Variants in PLCB1 observed in about 807,000 individuals in gnomAD.
The protein encoded by PLCB1 is 1-phosphatidylinositol 4,5-bisphosphate phosphodiesterase beta-1.
A neutral mutation model predicts 161.8 loss-of-function variants in PLCB1; 46 were observed. The ratio of observed to expected loss-of-function variants is 0.28; its 90% confidence interval spans 0.22 to 0.36. The LOEUF is 0.36. Among genes scored for constraint, PLCB1 ranks in the 10% least tolerant of loss-of-function variants. The pLI is 1.00. For synonymous variants in PLCB1, 517 were observed against 503.7 expected (o/e 1.03, Z -0.35); for missense variants, 1,016 against 1,472.5 (o/e 0.69, Z 5.07).
chr20:8,182,923 G>C (rs1021567417), intron 2 of PLCB1, among the ~76,000 whole-genome samples: 1 of 152,032 alleles, frequency 6.6e-6, no homozygotes, highest in Admixed American at 6.6e-5. Context: ...GATAAAATTT[G>C]ACTCTATATC....
chr20:8,823,440 C>T (rs11905647), intron 31 of PLCB1, among the ~76,000 whole-genome samples: 13,056 of 152,218 alleles, frequency 0.086, 1,731 homozygotes, highest in African/African-American at 0.28. Context: ...CCACCCCTGC[C>T]TGCACCACTT....
At chr20:8,681,104 ATATATATATATATAT>A (rs1600246702) in intron 9 of PLCB1, among the ~76,000 whole-genome samples, 5 of 133,670 alleles carry the variant, frequency 3.7e-5, no homozygotes, top group East Asian at 4.3e-4. Flanking sequence ...ATATATATAT[ATATATATATATATAT>A]AATATATATA....
intron 2 of PLCB1, among the ~76,000 whole-genome samples, chr20:8,165,700 G>A (rs1005330851): frequency 7.2e-5 from 11 of 152,172 alleles, no homozygotes; most frequent in Non-Finnish European, 1.5e-4. Flanking sequence ...TGTGCATCTT[G>A]TCTAAGGTTA....
intron 31 of PLCB1, among the ~76,000 whole-genome samples, chr20:8,859,727 G>T (rs1257414187): frequency 2.0e-5 from 3 of 151,112 alleles, no homozygotes; most frequent in East Asian, 1.9e-4. Flanking sequence ...CTAGCTTGGG[G>T]TCTATTGGAG....
chr20:8,641,387 A>G (rs1043989083), intron 4 of PLCB1, among the ~76,000 whole-genome samples: 13 of 152,254 alleles, frequency 8.5e-5, no homozygotes, highest in Non-Finnish European at 1.8e-4. Context: ...TCATTTACAC[A>G]TTCACTTATG....
chr20:8,225,045 A>G (rs942252749), intron 2 of PLCB1, among the ~76,000 whole-genome samples: 2 of 152,228 alleles, frequency 1.3e-5, no homozygotes, highest in African/African-American at 2.4e-5. Context: ...TCCTTAACTC[A>G]TAAATACTTT....
chr20:8,658,649 G>A lies in PLCB1; in HGVS notation c.807G>A (p.Glu269=). The part of the protein sequence containing the change: ...NEILYPPLKQ[E]QVQVLIEKYE... ...TACTTTATCCACCTCTAAAACAAGA[G>A]CAAGTCCAAGTATTGATTGAGAAGT... The change falls in exon 9 of 32, where the codon GAG becomes GAA. Residue 269 remains glutamate, a synonymous_variant. Transcript: ENST00000338037. The A allele has an allele frequency of 1.2e-6, 2 of 1,613,060 alleles. No individual in the cohort carries two copies. The highest frequency in any genetic ancestry group is 1.7e-6 in the Non-Finnish European group (2 of 1,179,476).
At chr20:8,298,918 C>T (rs1304554894) in intron 2 of PLCB1, among the ~76,000 whole-genome samples, 1 of 152,088 alleles carries the variant, frequency 6.6e-6, no homozygotes. Context: ...ACCATAAACA[C>T]GCTCCATTAA....
chr20:8,639,123 T>C (rs921263171), intron 4 of PLCB1, among the ~76,000 whole-genome samples: 1 of 152,164 alleles, frequency 6.6e-6, no homozygotes, highest in African/African-American at 2.4e-5. Context: ...TGAAGATATG[T>C]TGCAAAGGTG....
intron 3 of PLCB1, among the ~76,000 whole-genome samples, chr20:8,379,274 C>T (rs1987190680): frequency 6.6e-6 from 1 of 152,154 alleles, no homozygotes; most frequent in African/African-American, 2.4e-5. Flanking sequence ...CTGCAAAAGA[C>T]ATTATCTCAT....
intron 3 of PLCB1, among the ~76,000 whole-genome samples, chr20:8,403,175 A>T (rs1018224797): frequency 6.6e-6 from 1 of 152,152 alleles, no homozygotes; most frequent in Non-Finnish European, 1.5e-5. Flanking sequence ...AAGAAATAAA[A>T]CATAGTTCTT....
intron 2 of PLCB1, among the ~76,000 whole-genome samples, chr20:8,370,834 C>G (rs964349600): frequency 6.6e-6 from 1 of 152,124 alleles, no homozygotes; most frequent in East Asian, 1.9e-4. Context: ...GCCTTATTCC[C>G]TAGAGTAACT....
intron 2 of PLCB1, among the ~76,000 whole-genome samples, chr20:8,154,275 G>A (rs1322810370): frequency 6.6e-6 from 1 of 152,146 alleles, no homozygotes; most frequent in African/African-American, 2.4e-5. Context: ...GTTAGTACAT[G>A]TGTATGTATC....
intron 9 of PLCB1, among the ~76,000 whole-genome samples, chr20:8,667,171 G>T (rs1265972602): frequency 1.3e-5 from 2 of 152,196 alleles, no homozygotes; most frequent in Non-Finnish European, 2.9e-5. Flanking sequence ...ACTATATGAT[G>T]TAGCCAATGC....
intron 1 of PLCB1, among the ~76,000 whole-genome samples, chr20:8,148,263 A>G (rs1600198522): frequency 6.6e-6 from 1 of 152,226 alleles, no homozygotes. Flanking sequence ...TATTGGAAAC[A>G]TTGGTGTGAG....
intron 3 of PLCB1, among the ~76,000 whole-genome samples, chr20:8,564,318 C>A (rs1986250214): frequency 6.6e-6 from 1 of 152,090 alleles, no homozygotes; most frequent in Non-Finnish European, 1.5e-5. Context: ...TTCCTTACAC[C>A]TTATACAAAT....
chr20:8,678,134 C>G (rs914983650), intron 9 of PLCB1, among the ~76,000 whole-genome samples: 2 of 152,000 alleles, frequency 1.3e-5, no homozygotes, highest in Non-Finnish European at 2.9e-5. Flanking sequence ...AAAAATTAAG[C>G]AAATGATAAA....
intron 10 of PLCB1, among the ~76,000 whole-genome samples, chr20:8,689,757 A>T (rs961542854): frequency 1.3e-5 from 2 of 151,670 alleles, no homozygotes; most frequent in Non-Finnish European, 2.9e-5. Flanking sequence ...TTTCTTCTGA[A>T]GTCATTCATA....
chr20:8,159,067 C>A (rs1236611681), intron 2 of PLCB1, among the ~76,000 whole-genome samples: 1 of 152,132 alleles, frequency 6.6e-6, no homozygotes, highest in South Asian at 2.1e-4. Context: ...CCAGTTGGGA[C>A]TGGGGGCTCC....
Sources: gnomAD v4.1 joint callset for allele counts (sites outside exome capture counted in the v4.1 genomes callset) on GRCh38, gnomAD v4.1.1 for gene constraint, MANE v1.5 for transcripts, NCBI Gene and HGNC (gene_info 2026-07-23, HGNC 2026-07-21) for gene names.